Variants in NUP93 observed in about 807,000 individuals in gnomAD.
The protein encoded by NUP93 is nuclear pore complex protein Nup93.
NUP93 carries 55 observed loss-of-function variants against 107.8 expected under a neutral mutation model. That is an observed-to-expected ratio of 0.51 (90% CI 0.41 to 0.64). The LOEUF (loss-of-function observed/expected upper bound fraction) is 0.64, where lower values mean the gene tolerates loss of function less well. NUP93 is among the 30% of genes least tolerant of loss of function. The pLI is 0.00. For synonymous variants in NUP93, 390 were observed against 397.5 expected, an observed-to-expected ratio of 0.98 and a Z score of 0.22; for missense variants, 937 against 1,044.7, an observed-to-expected ratio of 0.90 and a Z score of 1.42.
rs141490072 is a variant in NUP93 at position 56,832,638 on chromosome 16, A to G, written c.1345+250A>G. Among the ~76,000 whole-genome samples, 978 of 152,360 alleles carry G rather than the reference A, an allele frequency of 6.4e-3. 9 individuals are homozygous for G. Among genetic ancestry groups the G allele is most frequent in the African/African-American group, 0.022 (927 of 41,582 alleles). ...TTTCTCTAATTCTTTGAACTGTTCT[A>G]GTAGACATATGCTCAGGGAGAGAAA... On this transcript the variant is annotated intron_variant, in intron 12 of 21. Coordinates refer to ENST00000308159, the MANE Select transcript of NUP93 (RefSeq NM_014669.5).
chr16:56,730,700 C>T (rs569219430), intron 1 of NUP93, among the ~76,000 whole-genome samples: 7 of 152,292 alleles, frequency 4.6e-5, no homozygotes, highest in African/African-American at 1.7e-4. Flanking sequence ...CTTGGCTTAC[C>T]TTTTGTACAT....
At chr16:56,832,272 A>C in intron 11 of NUP93, 23 bp from the exon 12 acceptor site, 1 of 1,599,020 alleles carries the variant, frequency 6.3e-7, no homozygotes, top group Non-Finnish European at 8.6e-7. Context: ...GTACCAATGC[A>C]TGTGTTTCTC....
intron 4 of NUP93, among the ~76,000 whole-genome samples, chr16:56,800,142 C>T (rs1190495183): frequency 3.3e-5 from 5 of 152,202 alleles, no homozygotes; most frequent in African/African-American, 1.2e-4. Flanking sequence ...GAGATCGTGC[C>T]ACTGCACTCC....
At chr16:56,732,833 G>C (rs1191487552) in intron 1 of NUP93, among the ~76,000 whole-genome samples, 1 of 152,226 alleles carries the variant, frequency 6.6e-6, no homozygotes, top group Non-Finnish European at 1.5e-5. Context: ...ATCTGATCCT[G>C]TTATGTGCCA....
At chr16:56,743,106 C>G (rs1310784296) in intron 1 of NUP93, among the ~76,000 whole-genome samples, 1 of 152,198 alleles carries the variant, frequency 6.6e-6, no homozygotes, top group East Asian at 1.9e-4. Context: ...TCTACTCTTT[C>G]TAGCTCGATT....
At chr16:56,835,492 T>A (rs1963890206) in intron 16 of NUP93, among the ~76,000 whole-genome samples, 1 of 152,244 alleles carries the variant, frequency 6.6e-6, no homozygotes, top group Non-Finnish European at 1.5e-5. Context: ...TATTGGGCAG[T>A]GACAATCAAC....
chr16:56,778,705 G>A (rs1214035486), intron 3 of NUP93, among the ~76,000 whole-genome samples: 1 of 152,180 alleles, frequency 6.6e-6, no homozygotes, highest in Non-Finnish European at 1.5e-5. Context: ...TGAGGCTAAG[G>A]AATTGGAAGA....
At chr16:56,730,899 C>G (rs2065189223) in intron 1 of NUP93, among the ~76,000 whole-genome samples, 1 of 152,308 alleles carries the variant, frequency 6.6e-6, no homozygotes, top group Non-Finnish European at 1.5e-5. Flanking sequence ...TGGATTTGCC[C>G]TTCTGCCAGA....
Position 56,818,665 on chromosome 16 carries a change from C to G in NUP93, c.491C>G (p.Pro164Arg). The stretch of plus-strand genomic sequence containing the variant: ...TTCTGAATGTGTATTTATCCACAGC[C>G]AAGCTACATCAGTGATGTGGGACCC... ...DALDFTQESE[P>R]SYISDVGPPG... Residue 164 changes from proline (P) to arginine (R), a missense_variant and splice_region_variant, in exon 6 of 22, where the codon CCA (proline) becomes CGA (arginine). Physicochemically the swap from Pro to Arg is moderately radical, Grantham distance 103. Transcript: ENST00000308159. 1 of 1,613,630 alleles carries G rather than the reference C, an allele frequency of 6.2e-7. No individual in the cohort carries two copies. The highest frequency in any genetic ancestry group is 2.2e-5 in the East Asian group (1 of 44,880).
At chr16:56,792,328 TG>T (rs1208913019) in intron 3 of NUP93, among the ~76,000 whole-genome samples, 4 of 151,826 alleles carry the variant, frequency 2.6e-5, no homozygotes, top group African/African-American at 4.8e-5. Flanking sequence ...ATGTAATGTA[TG>T]GGGGGGAGGA....
In NUP93 at chr16:56,839,572, A is replaced by G; in HGVS notation, c.2188A>G (p.Arg730Gly). ...CCTGAATCAGGAAAGTGTGGAAGAGAGAGTGGCTGCCTTCAGAAATTTCAG... is the reference window on the plus strand; with the variant it reads ...CCTGAATCAGGAAAGTGTGGAAGAGGGAGTGGCTGCCTTCAGAAATTTCAG... ...VPLNQESVEE[R>G]VAAFRNFSDE... Residue 730 changes from arginine (R) to glycine (G), a missense_variant, in exon 20 of 22, where the codon AGA (arginine) becomes GGA (glycine). By Grantham distance (125) the Arg-to-Gly change is moderately radical. Coordinates refer to ENST00000308159, the MANE Select transcript of NUP93 (RefSeq NM_014669.5). The G allele has an allele frequency of 6.2e-7, 1 of 1,614,024 alleles. No individual in the cohort carries two copies.
intron 2 of NUP93, among the ~76,000 whole-genome samples, chr16:56,754,515 T>C (rs1555490660): frequency 6.6e-6 from 1 of 152,160 alleles, no homozygotes; most frequent in Non-Finnish European, 1.5e-5. Flanking sequence ...CAAGATACAA[T>C]GGGGGTACAG....
intron 5 of NUP93, among the ~76,000 whole-genome samples, chr16:56,815,059 G>A (rs1378452877): frequency 6.6e-6 from 1 of 152,168 alleles, no homozygotes; most frequent in African/African-American, 2.4e-5. Context: ...AGAGCATTAG[G>A]CAAAATTAAT....
At chr16:56,733,941 C>T (rs954161439) in intron 1 of NUP93, among the ~76,000 whole-genome samples, 9 of 152,200 alleles carry the variant, frequency 5.9e-5, no homozygotes, top group Non-Finnish European at 2.9e-5. Flanking sequence ...AAAATTCCTA[C>T]ATTGATCTGT....
chr16:56,835,661 C>G (rs1171422609), intron 16 of NUP93, among the ~76,000 whole-genome samples: 1 of 152,216 alleles, frequency 6.6e-6, no homozygotes, highest in African/African-American at 2.4e-5. Flanking sequence ...CAACCTGGTC[C>G]AGCCACCTTG....
At chr16:56,790,846 G>A (rs930660617) in intron 3 of NUP93, among the ~76,000 whole-genome samples, 1 of 152,082 alleles carries the variant, frequency 6.6e-6, no homozygotes, top group East Asian at 1.9e-4. Flanking sequence ...TTATCTTGGA[G>A]CAGATCCTTT....
rs542623728 is a variant in NUP93 at position 56,768,593 on chromosome 16, T to C, written c.297+9938T>C. ...AAAAAAATTTTTTTTTTTGGCCAGG[T>C]GTGGTGGCTCACGCCTGTAATCCCA... is the stretch of plus-strand genomic sequence containing the variant. On this transcript the variant is annotated intron_variant, in intron 3 of 21. Transcript: ENST00000308159. Among the ~76,000 whole-genome samples, 75 of 143,516 alleles carry C rather than the reference T, an allele frequency of 5.2e-4. 1 individual carries two copies. The South Asian group carries it at 8.5e-3, about 16-fold the overall frequency. 94.2% of individuals were successfully genotyped at this position (143,516 alleles called of 152,430 possible). A position where few individuals can be genotyped will look rare whatever the true frequency, so the allele number is the denominator to read the frequency against.
intron 17 of NUP93, among the ~76,000 whole-genome samples, chr16:56,837,201 C>T (rs1253183965): frequency 6.6e-6 from 1 of 152,172 alleles, no homozygotes; most frequent in South Asian, 2.1e-4. Flanking sequence ...CATATGATAA[C>T]TGCTAAGGAT....
Position 56,834,405 on chromosome 16 carries a change from T to C in NUP93, c.1700T>C (p.Leu567Pro), listed in dbSNP as rs774760575. The change falls in exon 15 of 22, where the codon CTG (leucine) becomes CCG (proline). Residue 567 changes from leucine (L) to proline (P), a missense_variant. Transcript: ENST00000308159. ...GATAGTCAAGGAGAAAACATGTTTC[T>C]GCGCTGTGTGAGTGAGCTTGTGATT... is the stretch of plus-strand genomic sequence containing the variant. The part of the protein sequence containing the change: ...EKDSQGENMF[L>P]RCVSELVIES... The C allele has an allele frequency of 2.5e-6, 4 of 1,614,250 alleles. No homozygotes were observed. Among genetic ancestry groups the C allele is most frequent in the Non-Finnish European group, 3.4e-6 (4 of 1,180,042 alleles).
Sources: allele counts gnomAD v4.1 joint callset (sites outside exome capture counted in the v4.1 genomes callset), GRCh38; gene constraint gnomAD v4.1.1; transcripts MANE v1.5; gene names NCBI Gene and HGNC (gene_info 2026-07-23, HGNC 2026-07-21).